Variants in MINDY4 observed in about 807,000 individuals in gnomAD.
The protein encoded by MINDY4 is MINDY lysine 48 deubiquitinase 4.
MINDY4 carries 68 observed loss-of-function variants against 87.0 expected under a neutral mutation model. The observed-to-expected ratio is 0.78, with a 90% CI of 0.64 to 0.96. The LOEUF is 0.96. Among genes scored for constraint, MINDY4 ranks in the 40% least tolerant of loss-of-function variants. The pLI, the probability that MINDY4 is intolerant of heterozygous loss-of-function variation, is 0.00. For missense variants in MINDY4, 919 were observed against 928.2 expected, an observed-to-expected ratio of 0.99 and a Z score of 0.13; for synonymous variants, 379 against 363.2, an observed-to-expected ratio of 1.04 and a Z score of -0.50.
intron 5 of MINDY4, among the ~76,000 whole-genome samples, chr7:30,805,118 G>T (rs1336181405): frequency 6.6e-6 from 1 of 152,220 alleles, no homozygotes; most frequent in Non-Finnish European, 1.5e-5. Flanking sequence ...GAGTCTAGGG[G>T]TGCAGCAGGT....
chr7:30,778,069 C>T (rs865833324), intron 1 of MINDY4, among the ~76,000 whole-genome samples: 1 of 152,196 alleles, frequency 6.6e-6, no homozygotes, highest in African/African-American at 2.4e-5. Flanking sequence ...AACCCCATCT[C>T]CTGGTTTCCC....
At chr7:30,816,530 A>G (rs991529663) in intron 5 of MINDY4, among the ~76,000 whole-genome samples, 1 of 152,184 alleles carries the variant, frequency 6.6e-6, no homozygotes, top group African/African-American at 2.4e-5. Context: ...GGAGTACAGC[A>G]TGTGTTCTCT....
At chr7:30,882,470 G>A (rs1355860874) in intron 16 of MINDY4, 109 bp downstream of exon 16, 5 of 989,496 alleles carry the variant, frequency 5.1e-6, no homozygotes, top group East Asian at 2.7e-5. Context: ...ACAGAGAGCA[G>A]TGCAGACTCC....
At chr7:30,849,802 GTC>G (rs1024857911) in intron 9 of MINDY4, among the ~76,000 whole-genome samples, 138 of 152,306 alleles carry the variant, frequency 9.1e-4, no homozygotes, top group African/African-American at 3.2e-3. Flanking sequence ...AACTCAGTAA[GTC>G]TGAAGTGTGA....
At chr7:30,828,759 G>C in intron 6 of MINDY4, 22 bp downstream of exon 6, 2 of 1,610,372 alleles carry the variant, frequency 1.2e-6, no homozygotes, top group Non-Finnish European at 1.7e-6. Flanking sequence ...GGGTGCCTCT[G>C]TGCTGTGCCC....
At position 30,782,022 on chromosome 7, in the gene MINDY4, T is replaced by C; in HGVS notation, c.229T>C (p.Tyr77His). The C allele has an allele frequency of 1.9e-6, 3 of 1,614,138 alleles. No homozygotes were observed. Among genetic ancestry groups the C allele is most frequent in the Non-Finnish European group, 2.5e-6 (3 of 1,180,028 alleles). ...AACAAGCCTTGAACTCATCACCAGA[T>C]ACTTTCTGGATCACTTTGGAAATAC... is the stretch of plus-strand genomic sequence containing the variant. ...LKTSLELITR[Y>H]FLDHFGNTAN... Residue 77 changes from tyrosine to histidine, a missense_variant, in exon 3 of 18, where the codon TAC becomes CAC. Transcript: ENST00000265299.
At chr7:30,836,578 G>A in intron 6 of MINDY4, 80 bp from the exon 7 acceptor site, 1 of 1,115,702 alleles carries the variant, frequency 9.0e-7, no homozygotes, top group Non-Finnish European at 1.4e-6. Context: ...ACTTAGCAAT[G>A]TCTGTGGTGT....
At chr7:30,816,868 A>AAAAG (rs1349411170) in intron 5 of MINDY4, among the ~76,000 whole-genome samples, 2 of 152,224 alleles carry the variant, frequency 1.3e-5, no homozygotes, top group Non-Finnish European at 2.9e-5. Context: ...TTAAGAGGAA[A>AAAAG]GAAAAGACAG....
chr7:30,800,816 C>G (rs1449601418), intron 5 of MINDY4, among the ~76,000 whole-genome samples: 1 of 152,228 alleles, frequency 6.6e-6, no homozygotes, highest in East Asian at 1.9e-4. Context: ...GTGTTTCTGC[C>G]TTTGCATTGA....
At position 30,815,521 on chromosome 7, in the gene MINDY4, G is replaced by A. The variant is rs1025904895; in HGVS notation, c.1074-13158G>A. Among the ~76,000 whole-genome samples the A allele has an allele frequency of 3.9e-5, 6 of 152,194 alleles. No individual in the cohort carries two copies. The East Asian group carries it at 7.7e-4, about 20-fold the overall frequency. ...GGCTTGGTCAGGTCCAGTAGCCACG[G>A]GCTAGTGTGCAGAGGGGTGGAGGTG... On this transcript the variant is annotated intron_variant, in intron 5 of 17. Coordinates refer to ENST00000265299, the MANE Select transcript of MINDY4 (RefSeq NM_032222.3).
Position 30,850,513 on chromosome 7 carries a change from T to C in MINDY4, c.1505T>C (p.Ile502Thr). The change falls in exon 10 of 18, where the codon ATT (isoleucine) becomes ACT (threonine). Residue 502 changes from isoleucine to threonine, a missense_variant. Coordinates refer to ENST00000265299, the MANE Select transcript of MINDY4 (RefSeq NM_032222.3). ...TGCCTCGTCCTGGCCCTCGCAGACA[T>C]TGTGTGGCGGGCAGGGGGCCGAGAG... ...TRCLVLALADIVWRAGGRERA... is the reference protein window; with the variant it reads ...TRCLVLALADTVWRAGGRERA... The C allele has an allele frequency of 6.2e-7, 1 of 1,612,084 alleles. No homozygotes were observed. Among genetic ancestry groups the C allele is most frequent in the East Asian group, 2.2e-5 (1 of 44,830 alleles).
chr7:30,868,675 C>T (rs2128577371), intron 13 of MINDY4, among the ~76,000 whole-genome samples: 1 of 152,336 alleles, frequency 6.6e-6, no homozygotes, highest in East Asian at 1.9e-4. Context: ...CCTGATATCC[C>T]CTTTGTTCTG....
intron 15 of MINDY4, among the ~76,000 whole-genome samples, chr7:30,876,680 A>T (rs1790267234): frequency 6.6e-6 from 1 of 152,048 alleles, no homozygotes; most frequent in South Asian, 2.1e-4. Context: ...ATTGCTTTCC[A>T]TGGCTTCAGA....
intron 17 of MINDY4, among the ~76,000 whole-genome samples, chr7:30,888,018 C>G (rs1490370581): frequency 6.6e-6 from 1 of 152,232 alleles, no homozygotes; most frequent in East Asian, 1.9e-4. Flanking sequence ...GGATGCTTTT[C>G]TACCAGTCAG....
At chr7:30,797,413 C>A (rs905982760) in intron 5 of MINDY4, among the ~76,000 whole-genome samples, 3 of 152,164 alleles carry the variant, frequency 2.0e-5, no homozygotes, top group African/African-American at 7.2e-5. Context: ...AAAGAGGTAG[C>A]CAGGAAAACC....
chr7:30,857,077 C>G (rs1205622656), intron 12 of MINDY4, among the ~76,000 whole-genome samples: 1 of 152,210 alleles, frequency 6.6e-6, no homozygotes, highest in Non-Finnish European at 1.5e-5. Context: ...TTGATTCATT[C>G]ATTCCATTCC....
chr7:30,843,841 G>C (rs1422343294), intron 9 of MINDY4, among the ~76,000 whole-genome samples: 9 of 152,226 alleles, frequency 5.9e-5, no homozygotes, highest in Non-Finnish European at 1.0e-4. Context: ...GTGGGCAGAG[G>C]AGGAGGGAAG....
Position 30,782,069 on chromosome 7 carries a change from T to A in MINDY4, c.276T>A (p.Asp92Glu). 2.5e-6 allele frequency: 4 copies of A among 1,614,176 alleles called. No homozygotes were observed. Among genetic ancestry groups the A allele is most frequent in the Non-Finnish European group, 3.4e-6 (4 of 1,180,028 alleles). The stretch of plus-strand genomic sequence containing the variant: ...ATACGGCTAACAATTTCACTCAAGA[T>A]ACCCCAATCCCTGCACTCTCAGTTC... ...FGNTANNFTQ[D>E]TPIPALSVPK... Residue 92 changes from aspartate (D) to glutamate (E), a missense_variant, in exon 3 of 18, where the codon GAT becomes GAA. Asp to Glu is a conservative substitution (Grantham distance 45, BLOSUM62 2). Coordinates refer to ENST00000265299, the MANE Select transcript of MINDY4 (RefSeq NM_032222.3).
intron 12 of MINDY4, 135 bp downstream of exon 12, chr7:30,853,594 T>C (rs935914669): frequency 2.7e-5 from 21 of 778,442 alleles, no homozygotes; most frequent in African/African-American, 1.9e-4. Context: ...GAAGGAGTAA[T>C]GCTGGCCCCT....
Sources: gnomAD v4.1 joint callset for allele counts (sites outside exome capture counted in the v4.1 genomes callset) on GRCh38, gnomAD v4.1.1 for gene constraint, MANE v1.5 for transcripts, NCBI Gene and HGNC (gene_info 2026-07-23, HGNC 2026-07-21) for gene names.